The following BAZ1A variants were observed in gnomAD, a reference collection of about 807,000 sequenced individuals.
BAZ1A encodes bromodomain adjacent to zinc finger domain protein 1A.
BAZ1A carries 50 observed loss-of-function variants against 185.2 expected under a neutral mutation model. The observed-to-expected ratio is 0.27, with a 90% CI of 0.22 to 0.34. The LOEUF (loss-of-function observed/expected upper bound fraction) is 0.34, where lower values mean the gene tolerates loss of function less well. Among genes scored for constraint, BAZ1A ranks in the 10% least tolerant of loss-of-function variants. The pLI is 1.00. For synonymous variants in BAZ1A, 571 were observed against 615.6 expected, an observed-to-expected ratio of 0.93 and a Z score of 1.07; for missense variants, 1,356 against 1,839.9, an observed-to-expected ratio of 0.74 and a Z score of 4.81.
At chr14:34,856,611 A>T (rs1376039816) in intron 3 of BAZ1A, among the ~76,000 whole-genome samples, 1 of 152,082 alleles carries the variant, frequency 6.6e-6, no homozygotes, top group African/African-American at 2.4e-5. Flanking sequence ...TAGTCGCAGC[A>T]CTTTGAAAGG....
At chr14:34,793,985 A>T (rs1371166466) in intron 11 of BAZ1A, among the ~76,000 whole-genome samples, 1 of 151,896 alleles carries the variant, frequency 6.6e-6, no homozygotes, top group Non-Finnish European at 1.5e-5. Context: ...GAAAAAAATT[A>T]GCTGGGCATG....
Position 34,874,389 on chromosome 14 carries a change from C to T in BAZ1A, c.113+103G>A. 1 of 1,168,444 alleles carries T rather than the reference C, an allele frequency of 8.6e-7. No homozygotes were observed. Among genetic ancestry groups the T allele is most frequent in the Non-Finnish European group, 1.2e-6 (1 of 802,848 alleles). 72.4% of individuals were successfully genotyped at this position (1,168,444 alleles called of 1,614,324 possible). A position where few individuals can be genotyped will look rare whatever the true frequency, so the allele number is the denominator to read the frequency against. Reference sequence around the variant, plus strand: ...CGGGGGCCACCCGTCACTTTCAAGTCGCCCCGCCAGAAGCCCAGGGCGAGG... The same window carrying T: ...CGGGGGCCACCCGTCACTTTCAAGTTGCCCCGCCAGAAGCCCAGGGCGAGG... On this transcript the variant is annotated intron_variant, in intron 2 of 26. Coordinates refer to ENST00000360310, the MANE Select transcript of BAZ1A (RefSeq NM_013448.3). The surrounding 1 kb of genome is among the most constrained non-coding windows in gnomAD (Gnocchi z 4.7).
intron 4 of BAZ1A, among the ~76,000 whole-genome samples, chr14:34,824,617 A>G (rs1392921298): frequency 3.3e-5 from 5 of 152,172 alleles, no homozygotes; most frequent in African/African-American, 9.7e-5. Flanking sequence ...ATGCATATAA[A>G]GCACTTAGCA....
intron 3 of BAZ1A, among the ~76,000 whole-genome samples, chr14:34,827,082 C>G (rs1202787205): frequency 3.1e-5 from 4 of 129,992 alleles, no homozygotes; most frequent in African/African-American, 1.1e-4. Flanking sequence ...CATCCCTTCT[C>G]CTATCTCTCT....
intron 14 of BAZ1A, 139 bp from the exon 15 acceptor site, chr14:34,784,066 C>T (rs1258351423): frequency 2.3e-5 from 18 of 789,026 alleles, no homozygotes; most frequent in Non-Finnish European, 3.4e-5. Context: ...AATGACATGT[C>T]TTCAGGAAAA....
chr14:34,792,430 A>C (rs532857923), intron 12 of BAZ1A, among the ~76,000 whole-genome samples: 31 of 152,280 alleles, frequency 2.0e-4, no homozygotes, highest in African/African-American at 7.2e-4. Context: ...AAATACCCCA[A>C]AAAAACAAAG....
intron 5 of BAZ1A, among the ~76,000 whole-genome samples, chr14:34,807,897 A>C (rs970942500): frequency 1.3e-5 from 2 of 151,788 alleles, no homozygotes; most frequent in South Asian, 4.2e-4. Context: ...CGAGGTCAGG[A>C]GATCAAGACA....
At chr14:34,817,994 C>T (rs2042032665) in intron 4 of BAZ1A, among the ~76,000 whole-genome samples, 1 of 152,134 alleles carries the variant, frequency 6.6e-6, no homozygotes, top group African/African-American at 2.4e-5. Flanking sequence ...TAGGCATATA[C>T]CCGCATGAAT....
chr14:34,800,472 T>G (rs965351910), intron 8 of BAZ1A, 82 bp from the exon 9 acceptor site: 69 of 1,111,256 alleles, frequency 6.2e-5, no homozygotes, highest in Non-Finnish European at 8.0e-5. Context: ...AACAGAATCC[T>G]TGAAATAATT....
At position 34,762,033 on chromosome 14, in the gene BAZ1A, G is replaced by A. The variant is rs762715980; in HGVS notation, c.3967C>T (p.Pro1323Ser). ...RSLRKINSAP[P>S]TETKSLRIAS... ...ATTCTTAAAGATTTTGTTTCTGTAG[G>A]AGGAGCAGAGTTTATCTTTCTTAGG... Residue 1323 changes from proline (P) to serine (S), a missense_variant, in exon 24 of 27, where the codon CCT becomes TCT. Around this residue, in one of 7 missense-constraint regions of BAZ1A, gnomAD observed 309 missense variants for 355.3 expected, o/e 0.87. Transcript: ENST00000360310. 2 of 1,614,192 alleles carry A rather than the reference G, an allele frequency of 1.2e-6. No individual in the cohort carries two copies. The highest frequency in any genetic ancestry group is 1.7e-6 in the Non-Finnish European group (2 of 1,180,046).
chr14:34,772,933 CAGA>C (rs1451941122), intron 20 of BAZ1A, among the ~76,000 whole-genome samples: 3 of 152,178 alleles, frequency 2.0e-5, no homozygotes, highest in Non-Finnish European at 4.4e-5. Flanking sequence ...GAGGCTGAGG[CAGA>C]AGAATTGCTT....
chr14:34,767,890 A>G (rs1878958223), intron 21 of BAZ1A, among the ~76,000 whole-genome samples: 1 of 152,170 alleles, frequency 6.6e-6, no homozygotes, highest in Non-Finnish European at 1.5e-5. Flanking sequence ...AGGTTGGTGA[A>G]ATGCTATGGG....
At chr14:34,834,677 A>G (rs1346698374) in intron 3 of BAZ1A, among the ~76,000 whole-genome samples, 2 of 152,182 alleles carry the variant, frequency 1.3e-5, no homozygotes, top group African/African-American at 4.8e-5. Flanking sequence ...TCCCATAGGT[A>G]CTTAGCTAAA....
chr14:34,758,956 T>A, intron 24 of BAZ1A, 110 bp from the exon 25 acceptor site: 1 of 1,014,866 alleles, frequency 9.9e-7, no homozygotes, highest in Non-Finnish European at 1.4e-6. Flanking sequence ...AGACACTCCG[T>A]ACACTGAGAT....
intron 24 of BAZ1A, among the ~76,000 whole-genome samples, chr14:34,759,150 TAAAAATACTTTACAGCTACAG>T: frequency 6.8e-6 from 1 of 147,584 alleles, no homozygotes; most frequent in Non-Finnish European, 1.5e-5. Context: ...TCAATTTTAT[TAAAAATACTTTACAGCTACAG>T]TTTTTTTTTT....
intron 2 of BAZ1A, among the ~76,000 whole-genome samples, chr14:34,867,758 C>T (rs1341999085): frequency 2.0e-5 from 3 of 152,176 alleles, no homozygotes; most frequent in East Asian, 3.8e-4. Context: ...GGTCATCTCT[C>T]CCCTACTCAT....
chr14:34,866,502 A>AAAAAAAAAAAAAAAG, intron 2 of BAZ1A, among the ~76,000 whole-genome samples: 13 of 79,532 alleles, frequency 1.6e-4, no homozygotes, highest in Non-Finnish European at 2.8e-4. Context: ...AAAAAAAAAA[A>AAAAAAAAAAAAAAAG]GAAAAAAGTT....
chr14:34,791,127 A>C (rs376581258), intron 12 of BAZ1A, among the ~76,000 whole-genome samples: 1 of 110,896 alleles, frequency 9.0e-6, no homozygotes, highest in Non-Finnish European at 2.0e-5. Context: ...TGTCTCAAAA[A>C]AGAAAAGAAA....
chr14:34,816,495 G>C (rs943432772), intron 4 of BAZ1A, among the ~76,000 whole-genome samples: 1 of 152,174 alleles, frequency 6.6e-6, no homozygotes, highest in African/African-American at 2.4e-5. Flanking sequence ...TTCAGGTCAG[G>C]CTAAAGGATT....
Sources: gnomAD v4.1 joint callset for allele counts (sites outside exome capture counted in the v4.1 genomes callset) on GRCh38, gnomAD v4.1.1 for gene constraint, gnomAD v4.1.1 regional missense constraint, Gnocchi (gnomAD v3.1) non-coding constraint, MANE v1.5 for transcripts, NCBI Gene and HGNC (gene_info 2026-07-23, HGNC 2026-07-21) for gene names.